The following DCC variants were observed in gnomAD, a reference collection of about 807,000 sequenced individuals.
DCC encodes DCC netrin 1 receptor, also known as netrin receptor DCC.
Under a neutral mutation model 172.5 loss-of-function variants are expected in DCC, and 58 were observed. The ratio of observed to expected loss-of-function variants is 0.34; its 90% confidence interval spans 0.27 to 0.42. The LOEUF is 0.42. DCC is among the 10% of genes least tolerant of loss of function. The pLI is 1.00. For synonymous variants in DCC, 709 were observed against 644.5 expected, an observed-to-expected ratio of 1.10 and a Z score of -1.52; for missense variants, 1,740 against 1,791.0, an observed-to-expected ratio of 0.97 and a Z score of 0.51.
rs576749644 is a variant in DCC, at chr18:52,495,210, G to C, written c.91+154332G>C. Among the ~76,000 whole-genome samples the C allele has an allele frequency of 5.9e-5, 9 of 152,144 alleles. No individual in the cohort carries two copies. The East Asian group carries it at 1.5e-3, about 26-fold the overall frequency. ...TTTGTAATTAGCTTTTTATCCTCTC[G>C]TGTAGCTTCAGAATCTGGCATGTGT... On this transcript the variant is annotated intron_variant, in intron 1 of 28. Transcript: ENST00000442544.
At position 52,497,260 on chromosome 18, in the gene DCC, CAA is replaced by C. The variant is rs111476286; in HGVS notation, c.91+156402_91+156403del. ...TGGGTAACAGAGTGAGACCCTGTAT[CAA>C]AAAAAAAAAAAAAAAAAAATATATA... On this transcript the variant is annotated intron_variant, in intron 1 of 28. Coordinates refer to ENST00000442544, the MANE Select transcript of DCC (RefSeq NM_005215.4). 5.0e-4 allele frequency among the ~76,000 whole-genome samples: 27 copies of C among 53,940 alleles called. 1 individual carries two copies. Among genetic ancestry groups the C allele is most frequent in the African/African-American group, 1.6e-3 (25 of 15,152 alleles). 35.4% of individuals were successfully genotyped at this position (53,940 alleles called of 152,430 possible).
At position 52,464,620 on chromosome 18, in the gene DCC, T is replaced by C. The variant is rs1988730181; in HGVS notation, c.91+123742T>C. Among the ~76,000 whole-genome samples, 2 of 152,202 alleles carry C rather than the reference T, an allele frequency of 1.3e-5. 1 individual carries two copies. Among genetic ancestry groups the C allele is most frequent in the Non-Finnish European group, 2.9e-5 (2 of 68,028 alleles). On this transcript the variant is annotated intron_variant, in intron 1 of 28. Coordinates refer to ENST00000442544, the MANE Select transcript of DCC (RefSeq NM_005215.4). ...ATGCAGGTTCCCCAGCATCAGAAGGTGCTCAGATCTGTACTGGCATTTCTG... is the reference window on the plus strand; with the variant it reads ...ATGCAGGTTCCCCAGCATCAGAAGGCGCTCAGATCTGTACTGGCATTTCTG...
At chr18:53,374,379 C>G (rs948012932) in intron 15 of DCC, among the ~76,000 whole-genome samples, 3 of 152,164 alleles carry the variant, frequency 2.0e-5, no homozygotes, top group East Asian at 3.9e-4. Context: ...CAACAGTGCA[C>G]AAATAGATGA....
intron 2 of DCC, among the ~76,000 whole-genome samples, chr18:52,800,193 TTCAGCAAAA>T (rs1176411899): frequency 6.6e-6 from 1 of 152,196 alleles, no homozygotes; most frequent in African/African-American, 2.4e-5. Flanking sequence ...AATAAGTACC[TTCAGCAAAA>T]TCTGTTCTGA....
At chr18:53,277,873 C>T (rs867435876) in intron 12 of DCC, among the ~76,000 whole-genome samples, 10 of 152,030 alleles carry the variant, frequency 6.6e-5, no homozygotes, top group African/African-American at 1.2e-4. Flanking sequence ...TTGCTGCTGC[C>T]GAAACATTTC....
At chr18:52,439,892 C>A (rs765703357) in intron 1 of DCC, among the ~76,000 whole-genome samples, 45 of 152,058 alleles carry the variant, frequency 3.0e-4, no homozygotes, top group Non-Finnish European at 4.6e-4. Context: ...ACTATGTACC[C>A]ACAAAAATTA....
intron 5 of DCC, among the ~76,000 whole-genome samples, chr18:53,041,402 G>A (rs2042167233): frequency 6.6e-6 from 1 of 152,056 alleles, no homozygotes; most frequent in African/African-American, 2.4e-5. Context: ...GTACCATGCT[G>A]TTTTGGTTAC....
intron 1 of DCC, among the ~76,000 whole-genome samples, chr18:52,730,238 G>A (rs2036617223): frequency 6.6e-6 from 1 of 152,092 alleles, no homozygotes; most frequent in South Asian, 2.1e-4. Flanking sequence ...AACTGGAGAG[G>A]GAGAAGGGAA....
At chr18:52,632,874 C>T (rs1362435561) in intron 1 of DCC, among the ~76,000 whole-genome samples, 2 of 152,186 alleles carry the variant, frequency 1.3e-5, no homozygotes, top group Non-Finnish European at 2.9e-5. Context: ...TTGCCCTTTT[C>T]ATTTCTAAAG....
At chr18:53,274,223 A>G (rs73957141) in intron 12 of DCC, among the ~76,000 whole-genome samples, 8,333 of 152,122 alleles carry the variant, frequency 0.055, 780 homozygotes, top group African/African-American at 0.19. Context: ...TGTAGACAAC[A>G]TGTGAGAGGG....
intron 12 of DCC, among the ~76,000 whole-genome samples, chr18:53,234,202 A>G (rs1325671030): frequency 6.6e-6 from 1 of 151,996 alleles, no homozygotes; most frequent in African/African-American, 2.4e-5. Context: ...GTGAACTGAA[A>G]TCGCACCATC....
chr18:52,459,916 C>T (rs1451716718), intron 1 of DCC, among the ~76,000 whole-genome samples: 1 of 151,488 alleles, frequency 6.6e-6, no homozygotes, highest in African/African-American at 2.4e-5. Flanking sequence ...TATATATACA[C>T]ACATATATAT....
chr18:53,235,373 G>A (rs1286421100), intron 12 of DCC, among the ~76,000 whole-genome samples: 1 of 152,144 alleles, frequency 6.6e-6, no homozygotes, highest in Non-Finnish European at 1.5e-5. Context: ...AGAATGACAT[G>A]TGATGCTTGG....
At chr18:52,801,120 T>C (rs2037977575) in intron 2 of DCC, among the ~76,000 whole-genome samples, 2 of 152,218 alleles carry the variant, frequency 1.3e-5, no homozygotes, top group African/African-American at 4.8e-5. Context: ...GAACTTTCAA[T>C]GTGGCTTCTG....
chr18:52,938,576 A>T (rs1032800831), intron 5 of DCC, among the ~76,000 whole-genome samples: 2 of 152,160 alleles, frequency 1.3e-5, no homozygotes, highest in Admixed American at 6.6e-5. Flanking sequence ...AAATATCAAC[A>T]TTGTAAGTTA....
chr18:53,214,643 C>T (rs1171943533), intron 11 of DCC, among the ~76,000 whole-genome samples: 1 of 152,136 alleles, frequency 6.6e-6, no homozygotes, highest in African/African-American at 2.4e-5. Flanking sequence ...GGACTACTCA[C>T]TTTATAGATT....
At chr18:53,217,320 C>CATGTAT (rs1568371417) in intron 12 of DCC, among the ~76,000 whole-genome samples, 15 of 67,556 alleles carry the variant, frequency 2.2e-4, no homozygotes, top group Non-Finnish European at 6.5e-4. Context: ...TACACACACA[C>CATGTAT]ACACACACAC....
At chr18:52,978,869 T>C (rs1051031448) in intron 5 of DCC, among the ~76,000 whole-genome samples, 1 of 152,238 alleles carries the variant, frequency 6.6e-6, no homozygotes. Context: ...TCCAGCTCTA[T>C]GCAATTTGCT....
At chr18:53,299,627 T>C (rs1202396833) in intron 12 of DCC, among the ~76,000 whole-genome samples, 1 of 152,202 alleles carries the variant, frequency 6.6e-6, no homozygotes, top group Non-Finnish European at 1.5e-5. Context: ...ATATGTCTCT[T>C]TCCTCAGCCA....
Sources: allele counts gnomAD v4.1 joint callset (sites outside exome capture counted in the v4.1 genomes callset), GRCh38; gene constraint gnomAD v4.1.1; transcripts MANE v1.5; gene names NCBI Gene and HGNC (gene_info 2026-07-23, HGNC 2026-07-21).